The following DPP10 variants were observed in gnomAD, a reference collection of about 807,000 sequenced individuals.
The protein encoded by DPP10 is dipeptidyl peptidase like 10, also known as inactive dipeptidyl peptidase 10.
DPP10 carries 33 observed loss-of-function variants against 120.9 expected under a neutral mutation model. The ratio of observed to expected loss-of-function variants is 0.27; its 90% CI spans 0.21 to 0.37. DPP10 has a LOEUF of 0.37. Ranked by LOEUF, DPP10 falls within the 10% of genes least tolerant of loss-of-function variation. DPP10 has a pLI of 1.00. For synonymous variants in DPP10, 337 were observed against 326.1 expected (o/e 1.03, Z -0.36); for missense variants, 816 against 942.8 (o/e 0.87, Z 1.76).
intron 21 of DPP10, among the ~76,000 whole-genome samples, chr2:115,817,848 T>C (rs1050544867): frequency 1.3e-5 from 2 of 151,972 alleles, no homozygotes; most frequent in African/African-American, 4.8e-5. Context: ...AAATACTGTA[T>C]AATTCTACTT....
chr2:114,838,530 G>A (rs1218805788), intron 1 of DPP10, among the ~76,000 whole-genome samples: 3 of 151,962 alleles, frequency 2.0e-5, no homozygotes, highest in African/African-American at 7.3e-5. Flanking sequence ...GGTAAAGTTG[G>A]TCTTGAACTT....
At chr2:115,015,282 C>A (rs1702554397) in intron 1 of DPP10, among the ~76,000 whole-genome samples, 1 of 152,078 alleles carries the variant, frequency 6.6e-6, no homozygotes, top group African/African-American at 2.4e-5. Context: ...GCAGAAAAGG[C>A]CTTCGATAAA....
At chr2:114,606,154 G>T (rs909824923) in intron 1 of DPP10, among the ~76,000 whole-genome samples, 25 of 152,056 alleles carry the variant, frequency 1.6e-4, no homozygotes, top group African/African-American at 6.0e-4. Context: ...ATTGACTCAG[G>T]TCTCACTTGA....
At chr2:115,779,984 T>G (rs1486293163) in intron 15 of DPP10, among the ~76,000 whole-genome samples, 1 of 151,966 alleles carries the variant, frequency 6.6e-6, no homozygotes, top group Non-Finnish European at 1.5e-5. Flanking sequence ...TCCCCATACC[T>G]ACAGCGTATT....
intron 1 of DPP10, among the ~76,000 whole-genome samples, chr2:115,092,562 T>A (rs1012594634): frequency 6.6e-6 from 1 of 152,166 alleles, no homozygotes; most frequent in Non-Finnish European, 1.5e-5. Flanking sequence ...CTTTTTGTTT[T>A]GATTTTCAGA....
At chr2:115,431,028 A>T (rs7581748) in intron 3 of DPP10, among the ~76,000 whole-genome samples, 10,500 of 152,278 alleles carry the variant, frequency 0.069, 461 homozygotes, top group Middle Eastern at 0.13. Flanking sequence ...GGTTAAACAG[A>T]TATGATACTA....
chr2:115,101,919 C>T (rs1382463498), intron 1 of DPP10, among the ~76,000 whole-genome samples: 1 of 152,190 alleles, frequency 6.6e-6, no homozygotes, highest in Non-Finnish European at 1.5e-5. Context: ...TGAACCAATT[C>T]TGCAAATTAG....
chr2:115,546,797 A>G (rs1209043607), intron 5 of DPP10, among the ~76,000 whole-genome samples: 1 of 152,170 alleles, frequency 6.6e-6, no homozygotes, highest in Non-Finnish European at 1.5e-5. Flanking sequence ...GGTGGACAGC[A>G]TGAAAATGTC....
intron 3 of DPP10, among the ~76,000 whole-genome samples, chr2:115,347,909 T>C (rs1472723952): frequency 6.6e-6 from 1 of 152,184 alleles, no homozygotes; most frequent in East Asian, 1.9e-4. Context: ...TGGTTCCAAG[T>C]CTTTGCTATT....
intron 3 of DPP10, among the ~76,000 whole-genome samples, chr2:115,395,975 T>C (rs2067651912): frequency 2.0e-5 from 3 of 152,148 alleles, no homozygotes; most frequent in Admixed American, 2.0e-4. Context: ...AGCTACCTGA[T>C]TCTGCTGGTT....
chr2:114,668,491 C>G (rs146949987), intron 1 of DPP10, among the ~76,000 whole-genome samples: 2 of 152,252 alleles, frequency 1.3e-5, no homozygotes, highest in East Asian at 3.9e-4. Context: ...CTTTCCAAAA[C>G]CCTCTGATAG....
At chr2:114,724,255 G>T (rs1453381731) in intron 1 of DPP10, among the ~76,000 whole-genome samples, 1 of 152,146 alleles carries the variant, frequency 6.6e-6, no homozygotes, top group Admixed American at 6.5e-5. Flanking sequence ...ATTAACTGAT[G>T]CCAAGTAGCC....
intron 5 of DPP10, among the ~76,000 whole-genome samples, chr2:115,602,171 T>G (rs2083368522): frequency 6.6e-6 from 1 of 152,242 alleles, no homozygotes; most frequent in South Asian, 2.1e-4. Flanking sequence ...TCAATAGGTC[T>G]GAGTACTCCA....
chr2:115,770,940 C>T (rs1405315522), intron 13 of DPP10, among the ~76,000 whole-genome samples: 1 of 152,018 alleles, frequency 6.6e-6, no homozygotes, highest in Admixed American at 6.6e-5. Context: ...AAAAGAATAA[C>T]TAATGAGTGT....
chr2:115,582,371 G>A (rs1230468264), intron 5 of DPP10, among the ~76,000 whole-genome samples: 1 of 152,122 alleles, frequency 6.6e-6, no homozygotes, highest in Non-Finnish European at 1.5e-5. Flanking sequence ...GCACATGCTT[G>A]AGCTCCACTT....
chr2:114,839,161 G>A (rs1687965049), intron 1 of DPP10, among the ~76,000 whole-genome samples: 1 of 152,118 alleles, frequency 6.6e-6, no homozygotes, highest in South Asian at 2.1e-4. Flanking sequence ...TTTCTTGGAT[G>A]GCAGAATTGG....
At chr2:115,603,844 G>A (rs1187689577) in intron 5 of DPP10, among the ~76,000 whole-genome samples, 1 of 152,054 alleles carries the variant, frequency 6.6e-6, no homozygotes. Context: ...TTATCAGAAG[G>A]CACTTATTAT....
intron 5 of DPP10, among the ~76,000 whole-genome samples, chr2:115,662,507 T>A (rs1324166478): frequency 6.6e-6 from 1 of 151,880 alleles, no homozygotes; most frequent in Admixed American, 6.6e-5. Context: ...AAAAGAAACA[T>A]ACAAATAGCA....
chr2:115,253,784 C>G (rs1276668811), intron 1 of DPP10, among the ~76,000 whole-genome samples: 1 of 152,228 alleles, frequency 6.6e-6, no homozygotes, highest in Non-Finnish European at 1.5e-5. Flanking sequence ...GGGTGTTTTT[C>G]CAAGTGCAGG....
Sources: gnomAD v4.1 joint callset for allele counts (sites outside exome capture counted in the v4.1 genomes callset) on GRCh38, gnomAD v4.1.1 for gene constraint, MANE v1.5 for transcripts, NCBI Gene and HGNC (gene_info 2026-07-23, HGNC 2026-07-21) for gene names.